The following DIAPH1 variants were observed in gnomAD, a reference collection of about 807,000 sequenced individuals.
DIAPH1 encodes diaphanous related formin 1.
A neutral mutation model predicts 140.7 loss-of-function variants in DIAPH1; 46 were observed. The observed-to-expected ratio is 0.33, with a 90% CI of 0.26 to 0.42. The LOEUF is 0.42. Among genes scored for constraint, DIAPH1 ranks in the 10% least tolerant of loss-of-function variants. DIAPH1 has a pLI of 1.00. For synonymous variants in DIAPH1, 565 were observed against 551.6 expected, an observed-to-expected ratio of 1.02 and a Z score of -0.34; for missense variants, 1,310 against 1,558.7, an observed-to-expected ratio of 0.84 and a Z score of 2.69.
rs2099903173 is a variant in DIAPH1, at chr5:141,618,981, C to G, written c.-67G>C. On this transcript the variant is annotated 5_prime_UTR_variant, in exon 1 of 28. Coordinates refer to ENST00000389054, the MANE Select transcript of DIAPH1 (RefSeq NM_005219.5). ...TCCCGCCTGGCAGCTCCGCGCCCGC[C>G]GCCGCCCAGTCGCTCTTTAGCCAGC... is the stretch of plus-strand genomic sequence containing the variant. The G allele has an allele frequency of 1.1e-6, 1 of 879,150 alleles. No homozygotes were observed. Among genetic ancestry groups the G allele is most frequent in the Non-Finnish European group, 1.6e-6 (1 of 631,238 alleles). The allele number at this position is 879,150 out of a possible 1,614,324, so 54.5% of individuals were successfully genotyped here. A position where few individuals can be genotyped will look rare whatever the true frequency, so the allele number is the denominator to read the frequency against.
At chr5:141,533,735 C>G (rs2099888588) in intron 19 of DIAPH1, among the ~76,000 whole-genome samples, 1 of 152,064 alleles carries the variant, frequency 6.6e-6, no homozygotes, top group African/African-American at 2.4e-5. Flanking sequence ...AGTGGCTAGA[C>G]CATCTGTGGT....
intron 23 of DIAPH1, among the ~76,000 whole-genome samples, chr5:141,528,036 G>A (rs2099887655): frequency 6.6e-6 from 1 of 152,184 alleles, no homozygotes; most frequent in Non-Finnish European, 1.5e-5. Flanking sequence ...CAGGGTTTGG[G>A]AGGAAGGAGA....
chr5:141,610,347 C>T (rs892132338), intron 1 of DIAPH1, among the ~76,000 whole-genome samples: 2 of 152,002 alleles, frequency 1.3e-5, no homozygotes, highest in Non-Finnish European at 2.9e-5. Context: ...TGTCGCCAGG[C>T]TGGAGTGCAG....
Position 141,573,791 on chromosome 5 carries a change from T to C in DIAPH1, c.2059A>G (p.Ile687Val), listed in dbSNP as rs747299836. ...PPPPLPGSAR[I>V]PPPPPPLPGS... ...GGCAAAGGAGGTGGTGGTGGGGGGA[T>C]TCTAGCACTCCCAGGCAAAGGAGGA... Residue 687 changes from isoleucine (I) to valine (V), a missense_variant, in exon 16 of 28, where the codon ATC becomes GTC. Transcript: ENST00000389054. The C allele has an allele frequency of 9.4e-7, 1 of 1,061,734 alleles. No homozygotes were observed. Among genetic ancestry groups the C allele is most frequent in the Middle Eastern group, 2.4e-4 (1 of 4,102 alleles). 65.8% of individuals were successfully genotyped at this position (1,061,734 alleles called of 1,614,324 possible).
Position 141,575,248 on chromosome 5 carries a change from G to T in DIAPH1, c.1462-102C>A, listed in dbSNP as rs1443030387. 6 of 1,227,800 alleles carry T rather than the reference G, an allele frequency of 4.9e-6. No individual in the cohort carries two copies. In the Admixed American group the frequency reaches 5.4e-5, roughly 11 times the overall value. The allele number at this position is 1,227,800 out of a possible 1,614,324, so 76.1% of individuals were successfully genotyped here. ...TCCCTACCTCCTCTTTTGCCTGGGG[G>T]TGCTGGAATCCCCCCACTGCCTCCT... On this transcript the variant is annotated intron_variant, in intron 14 of 27. Coordinates refer to ENST00000389054, the MANE Select transcript of DIAPH1 (RefSeq NM_005219.5).
chr5:141,523,622 G>A (rs890659377), intron 27 of DIAPH1, among the ~76,000 whole-genome samples: 2 of 151,838 alleles, frequency 1.3e-5, no homozygotes, highest in Non-Finnish European at 2.9e-5. Context: ...TTCAGACACG[G>A]CATAATCCTT....
intron 18 of DIAPH1, among the ~76,000 whole-genome samples, chr5:141,541,234 T>C (rs912399831): frequency 2.6e-5 from 4 of 152,192 alleles, no homozygotes; most frequent in Non-Finnish European, 4.4e-5. Flanking sequence ...CTAGGTAAAC[T>C]TGGAATTAAT....
chr5:141,560,477 T>C (rs1297962913), intron 18 of DIAPH1: 1 of 157,896 alleles, frequency 6.3e-6, no homozygotes, highest in Non-Finnish European at 1.4e-5. Flanking sequence ...CTCTTTTATA[T>C]CTCTCAATTA....
chr5:141,615,217 C>T (rs1455858230), intron 1 of DIAPH1, among the ~76,000 whole-genome samples: 6 of 151,570 alleles, frequency 4.0e-5, no homozygotes, highest in African/African-American at 9.7e-5. Context: ...TGGCGGATCA[C>T]GAGGTCAGGA....
chr5:141,530,947 T>G (rs151330468), intron 19 of DIAPH1, among the ~76,000 whole-genome samples: 1,729 of 152,300 alleles, frequency 0.011, 26 homozygotes, highest in African/African-American at 0.028. Context: ...TTTCCCTTCA[T>G]CATATATACA....
chr5:141,587,898 A>G (rs1029684305), intron 2 of DIAPH1, among the ~76,000 whole-genome samples: 1 of 152,218 alleles, frequency 6.6e-6, no homozygotes, highest in Non-Finnish European at 1.5e-5. Context: ...AGTCACCAAT[A>G]AGCAACAGCT....
chr5:141,542,328 G>C (rs539627227), intron 18 of DIAPH1, among the ~76,000 whole-genome samples: 47 of 152,152 alleles, frequency 3.1e-4, no homozygotes, highest in African/African-American at 1.1e-3. Context: ...AGCTACTCGG[G>C]AGGCTGAGGC....
intron 1 of DIAPH1, among the ~76,000 whole-genome samples, chr5:141,616,632 GGAA>G (rs2099902729): frequency 6.6e-6 from 1 of 152,170 alleles, no homozygotes; most frequent in Non-Finnish European, 1.5e-5. Flanking sequence ...AGGAGCAAGA[GGAA>G]GAAAGAATAT....
intron 24 of DIAPH1, 22 bp downstream of exon 24, chr5:141,527,551 C>T: frequency 6.2e-7 from 1 of 1,613,290 alleles, no homozygotes; most frequent in Non-Finnish European, 8.5e-7. Flanking sequence ...GGGAACAACT[C>T]CCTCCTTTCA....
intron 27 of DIAPH1, among the ~76,000 whole-genome samples, chr5:141,519,606 A>G (rs1313741745): frequency 6.6e-6 from 1 of 152,218 alleles, no homozygotes; most frequent in Middle Eastern, 3.2e-3. Context: ...TCTGGACTCA[A>G]GAAGCTTCTG....
chr5:141,608,019 T>C (rs1162921559), intron 1 of DIAPH1, among the ~76,000 whole-genome samples: 2 of 152,226 alleles, frequency 1.3e-5, no homozygotes, highest in Non-Finnish European at 2.9e-5. Flanking sequence ...TAATTAGTGG[T>C]AAAGACACAA....
intron 24 of DIAPH1, among the ~76,000 whole-genome samples, chr5:141,526,727 T>G (rs2099887387): frequency 6.6e-6 from 1 of 152,110 alleles, no homozygotes; most frequent in Non-Finnish European, 1.5e-5. Flanking sequence ...AGACAGGGTT[T>G]TGTTCTATCG....
Position 141,580,145 on chromosome 5 carries a change from C to T in DIAPH1, c.824+599G>A, listed in dbSNP as rs1233109965. 5.3e-5 allele frequency among the ~76,000 whole-genome samples: 8 copies of T among 152,172 alleles called. No individual in the cohort carries two copies. In the East Asian group the frequency reaches 1.5e-3, roughly 29 times the overall value. ...AAACAGGTTGAAAAGAATGATTTAG[C>T]TTTGGTTAAACCAAATCCCTCTTCA... On this transcript the variant is annotated intron_variant, in intron 8 of 27. Transcript: ENST00000389054.
chr5:141,613,025 C>G (rs2099902091), intron 1 of DIAPH1, among the ~76,000 whole-genome samples: 1 of 152,088 alleles, frequency 6.6e-6, no homozygotes, highest in South Asian at 2.1e-4. Flanking sequence ...GGAAATAAGT[C>G]ACAAAATCAG....
Sources: gnomAD v4.1 joint callset for allele counts (sites outside exome capture counted in the v4.1 genomes callset) on GRCh38, gnomAD v4.1.1 for gene constraint, MANE v1.5 for transcripts, NCBI Gene and HGNC (gene_info 2026-07-23, HGNC 2026-07-21) for gene names.